GPLD1: variants seen among roughly 807,000 people sequenced by gnomAD.
The protein encoded by GPLD1 is glycosylphosphatidylinositol specific phospholipase D1.
A neutral mutation model predicts 112.6 loss-of-function variants in GPLD1; 84 were observed. The observed-to-expected ratio is 0.75, with a 90% CI of 0.63 to 0.89. The LOEUF (loss-of-function observed/expected upper bound fraction) is 0.89, where lower values mean the gene tolerates loss of function less well. GPLD1 is among the 40% of genes least tolerant of loss of function. GPLD1 has a pLI of 0.00. For synonymous variants in GPLD1, 386 were observed against 403.8 expected (o/e 0.96, Z 0.53); for missense variants, 1,044 against 1,051.5 (o/e 0.99, Z 0.10).
chr6:24,469,679 G>A (rs1283189840), intron 7 of GPLD1, among the ~76,000 whole-genome samples: 7 of 137,938 alleles, frequency 5.1e-5, no homozygotes, highest in African/African-American at 1.6e-4. Flanking sequence ...CCTAATGCTA[G>A]ATGACGAGTT....
chr6:24,449,752 C>T, intron 15 of GPLD1, 37 bp downstream of exon 15: 1 of 1,426,300 alleles, frequency 7.0e-7, no homozygotes, highest in Admixed American at 1.8e-5. Flanking sequence ...TCCCTGCCAC[C>T]CCATTCTCCT....
rs558604302 is a variant in GPLD1, at chr6:24,448,152, G to A, written c.1503C>T (p.Asn501=). 1.5e-5 allele frequency: 24 copies of A among 1,611,532 alleles called. No individual in the cohort carries two copies. The highest frequency in any genetic ancestry group is 1.6e-4 in the Middle Eastern group (1 of 6,062). ...SKQGGMSSSP[N]ITISCQDIYC... ...AACATACCTGGCAAGAAATGGTGAT[G>A]TTAGGGGAAGAAGACATTCCTCCTT... Residue 501 remains asparagine (N), a synonymous_variant, in exon 16 of 25, where the codon AAC becomes AAT. Transcript: ENST00000230036.
chr6:24,442,483 C>T lies in GPLD1; in HGVS notation c.2020+3063G>A, dbSNP rs1403647116. Among the ~76,000 whole-genome samples the T allele has an allele frequency of 3.6e-5, 4 of 111,170 alleles. 1 individual carries two copies. The highest frequency in any genetic ancestry group is 3.1e-4 in the East Asian group (1 of 3,220). The allele number at this position is 111,170 out of a possible 152,430, so 72.9% of individuals were successfully genotyped here. On this transcript the variant is annotated intron_variant, in intron 20 of 24. Coordinates refer to ENST00000230036, the MANE Select transcript of GPLD1 (RefSeq NM_001503.4). ...TTTTTGAGATGGAATTTCACTCTGT[C>T]ACCCAGGCTGGAGTGCAGTGGCACA...
chr6:24,453,010 C>G (rs6918194), intron 14 of GPLD1, among the ~76,000 whole-genome samples: 11,430 of 152,062 alleles, frequency 0.075, 489 homozygotes, highest in Middle Eastern at 0.11. Context: ...ACCCCACCCC[C>G]CCACGCTCCT....
Position 24,456,489 on chromosome 6 carries a change from T to C in GPLD1, c.1148+9A>G, listed in dbSNP as rs1289695312. 6 of 1,576,988 alleles carry C rather than the reference T, an allele frequency of 3.8e-6. No homozygotes were observed. In the South Asian group the frequency reaches 5.8e-5, roughly 15 times the overall value. On this transcript the variant is annotated intron_variant, in intron 13 of 24. Transcript: ENST00000230036. ...AAAACATTCACAAGTTAGATAAACT[T>C]ATACGTACCAGCCAAGCCTCGCATA... is the stretch of plus-strand genomic sequence containing the variant.
At position 24,436,618 on chromosome 6, in the gene GPLD1, A is replaced by G. The variant is rs1223941899; in HGVS notation, c.2316T>C (p.Thr772=). ...NGKETTLGDM[T]GKCKSWITPC... is the part of the protein sequence containing the mutation. Reference sequence around the variant, plus strand: ...GAGTTATCCATGATTTGCATTTGCCAGTCATGTCACCAAGGGTGGTCTCTT... The same window carrying G: ...GAGTTATCCATGATTTGCATTTGCCGGTCATGTCACCAAGGGTGGTCTCTT... Residue 772 remains threonine (T), a synonymous_variant, in exon 22 of 25, where the codon ACT becomes ACC. Coordinates refer to ENST00000230036, the MANE Select transcript of GPLD1 (RefSeq NM_001503.4). The G allele has an allele frequency of 1.2e-6, 2 of 1,614,100 alleles. No individual in the cohort carries two copies. Among genetic ancestry groups the G allele is most frequent in the South Asian group, 2.2e-5 (2 of 91,086 alleles).
chr6:24,460,166 C>T (rs1174635356), intron 12 of GPLD1, 113 bp downstream of exon 12: 3 of 1,261,634 alleles, frequency 2.4e-6, no homozygotes, highest in African/African-American at 1.5e-5. Flanking sequence ...CCAGCCACCA[C>T]ATCCCACCAC....
At chr6:24,469,185 G>A (rs1763716091) in intron 7 of GPLD1, among the ~76,000 whole-genome samples, 2 of 151,626 alleles carry the variant, frequency 1.3e-5, no homozygotes, top group South Asian at 4.2e-4. Context: ...TGGTGGGACT[G>A]TAAACTAGTT....
intron 7 of GPLD1, among the ~76,000 whole-genome samples, chr6:24,468,058 C>T (rs951274423): frequency 3.3e-5 from 5 of 152,128 alleles, no homozygotes; most frequent in Admixed American, 1.3e-4. Flanking sequence ...AGGCGTGTGC[C>T]ACCACGCCCG....
At chr6:24,471,360 G>C (rs1262930547) in intron 7 of GPLD1, among the ~76,000 whole-genome samples, 1 of 152,110 alleles carries the variant, frequency 6.6e-6, no homozygotes, top group African/African-American at 2.4e-5. Flanking sequence ...GCCAGGTGGA[G>C]GCTGAGGTGG....
At chr6:24,464,867 G>T (rs984456699) in intron 10 of GPLD1, among the ~76,000 whole-genome samples, 1 of 152,192 alleles carries the variant, frequency 6.6e-6, no homozygotes, top group Non-Finnish European at 1.5e-5. Flanking sequence ...CAGTAGTGGG[G>T]AGAGGCTGCA....
At position 24,486,145 on chromosome 6, in the gene GPLD1, T is replaced by C. The variant is rs1476647910; in HGVS notation, c.98-15A>G. On this transcript the variant is annotated splice_polypyrimidine_tract_variant and intron_variant, in intron 1 of 24. Coordinates refer to ENST00000230036, the MANE Select transcript of GPLD1 (RefSeq NM_001503.4). ...AGCTCTGTGTCCTGAGAGAAATAAATACATAAATCAATTAAGTTCAACTAT... is the reference window on the plus strand; with the variant it reads ...AGCTCTGTGTCCTGAGAGAAATAAACACATAAATCAATTAAGTTCAACTAT... The C allele has an allele frequency of 2.7e-6, 4 of 1,484,634 alleles. No individual in the cohort carries two copies. Among genetic ancestry groups the C allele is most frequent in the South Asian group, 1.2e-5 (1 of 84,736 alleles). 92.0% of individuals were successfully genotyped at this position (1,484,634 alleles called of 1,614,324 possible).
intron 3 of GPLD1, among the ~76,000 whole-genome samples, chr6:24,479,269 T>C (rs1374660619): frequency 9.9e-5 from 15 of 152,166 alleles, no homozygotes; most frequent in Non-Finnish European, 1.5e-5. Context: ...ATACTCTCAG[T>C]CTGTAAGAGA....
At chr6:24,431,643 T>G (rs1762408145) in intron 24 of GPLD1, among the ~76,000 whole-genome samples, 1 of 151,626 alleles carries the variant, frequency 6.6e-6, no homozygotes, top group Non-Finnish European at 1.5e-5. Flanking sequence ...CAAGCGATTC[T>G]CCTGCCTCAG....
At chr6:24,482,800 A>T (rs906894828) in intron 2 of GPLD1, among the ~76,000 whole-genome samples, 2 of 152,148 alleles carry the variant, frequency 1.3e-5, no homozygotes, top group African/African-American at 2.4e-5. Flanking sequence ...TTCTACAAAA[A>T]ATTTAAAAAT....
intron 2 of GPLD1, among the ~76,000 whole-genome samples, chr6:24,484,329 G>A (rs1348411967): frequency 6.6e-6 from 1 of 152,156 alleles, no homozygotes; most frequent in Non-Finnish European, 1.5e-5. Flanking sequence ...CCCCGCCTCA[G>A]CCTCCCAAGT....
In GPLD1 at chr6:24,476,198, G is replaced by T. The variant is rs1028842507; in HGVS notation, c.313C>A (p.Pro105Thr). Reference sequence around the variant, plus strand: ...ACGCCTACCTTCTCCCAGGGAAGGGGATAGTTCTCTCGGATATAATGAACG... The same window carrying T: ...ACGCCTACCTTCTCCCAGGGAAGGGTATAGTTCTCTCGGATATAATGAACG... ...ASVHYIRENY[P>T]LPWEKDTEKL... The change falls in exon 4 of 25, where the codon CCC (proline) becomes ACC (threonine). Residue 105 changes from proline (P) to threonine (T), a missense_variant. Coordinates refer to ENST00000230036, the MANE Select transcript of GPLD1 (RefSeq NM_001503.4). 34 of 1,552,044 alleles carry T rather than the reference G, an allele frequency of 2.2e-5. No individual in the cohort carries two copies. In the Admixed American group the frequency reaches 4.5e-4, roughly 21 times the overall value.
upstream of GPLD1, among the ~76,000 whole-genome samples, chr6:24,492,114 T>G (rs903665706): frequency 1.3e-5 from 2 of 152,012 alleles, no homozygotes; most frequent in African/African-American, 4.8e-5. Context: ...AGACCCAAGG[T>G]GAAAAGTAAA....
In GPLD1 at chr6:24,468,111, G is replaced by A. The variant is rs138674241; in HGVS notation, c.546-837C>T. On this transcript the variant is annotated intron_variant, in intron 7 of 24. Coordinates refer to ENST00000230036, the MANE Select transcript of GPLD1 (RefSeq NM_001503.4). Reference sequence around the variant, plus strand: ...GGTAGACATGGGGTTTCTCCATGTTGGTCAGGCTGGTCTCGAACTCCCAAC... The same window carrying A: ...GGTAGACATGGGGTTTCTCCATGTTAGTCAGGCTGGTCTCGAACTCCCAAC... 3.5e-3 allele frequency among the ~76,000 whole-genome samples: 536 copies of A among 152,170 alleles called. 5 individuals are homozygous for A. The highest frequency in any genetic ancestry group is 0.027 in the South Asian group (131 of 4,818).
Sources: allele counts gnomAD v4.1 joint callset (sites outside exome capture counted in the v4.1 genomes callset), GRCh38; gene constraint gnomAD v4.1.1; transcripts MANE v1.5; gene names NCBI Gene and HGNC (gene_info 2026-07-23, HGNC 2026-07-21).